Variants in ACTC1 observed in about 807,000 individuals in gnomAD.
ACTC1 encodes actin, alpha cardiac muscle 1.
A neutral mutation model predicts 31.6 loss-of-function variants in ACTC1; 10 were observed. That is an observed-to-expected ratio of 0.32 (90% CI 0.19 to 0.54). ACTC1 has a LOEUF of 0.54. ACTC1 is among the 20% of genes least tolerant of loss of function. The pLI, the probability that ACTC1 is intolerant of heterozygous loss-of-function variation, is 0.95. For missense variants in ACTC1, 129 were observed against 506.4 expected (o/e 0.25, Z 7.15); for synonymous variants, 196 against 185.0 (o/e 1.06, Z -0.48).
In ACTC1 at chr15:34,793,856, A is replaced by T. The variant is rs1400897980; in HGVS notation, c.130-287T>A. Among the ~76,000 whole-genome samples the T allele has an allele frequency of 6.6e-6, 1 of 152,214 alleles. No homozygotes were observed. Among genetic ancestry groups the T allele is most frequent in the South Asian group, 2.1e-4 (1 of 4,832 alleles). ...CCTCACCTCACCTTAAAAATATCAT[A>T]TGCCTTCATTAAGTTATTAAGCTCA... is the stretch of plus-strand genomic sequence containing the variant. On this transcript the variant is annotated intron_variant, in intron 2 of 6. Transcript: ENST00000290378. The surrounding 1 kb of genome is among the most constrained non-coding windows in gnomAD (Gnocchi z 4.8).
chr15:34,791,626 T>A, intron 5 of ACTC1: 1 of 364,840 alleles, frequency 2.7e-6, no homozygotes, highest in African/African-American at 2.0e-5. Context: ...ATGTAATTTT[T>A]GTTTATGGAC....
rs773112383 is a variant in ACTC1, at chr15:34,793,393, C to T, written c.306G>A (p.Glu102=). 2 of 1,614,140 alleles carry T rather than the reference C, an allele frequency of 1.2e-6. No homozygotes were observed. The highest frequency in any genetic ancestry group is 3.3e-5 in the Admixed American group (2 of 60,020). Residue 102 remains glutamate (E), a synonymous_variant, in exon 3 of 7, where the codon GAG becomes GAA. Coordinates refer to ENST00000290378, the MANE Select transcript of ACTC1 (RefSeq NM_005159.5). The surrounding 1 kb of genome is among the most constrained non-coding windows in gnomAD (Gnocchi z 4.8). ...GGGCCTCTGTGAGCAGGGTGGGGTG[C>T]TCCTCGGGAGCCACACGGAGCTCAT... ...FYNELRVAPE[E]HPTLLTEAPL... is the part of the protein sequence containing the mutation.
rs59431308 is a variant in ACTC1 at position 34,791,307 on chromosome 15, T to TCACACACACACA, written c.809-24_809-13dup. 116 of 1,309,210 alleles carry TCACACACACACA rather than the reference T, an allele frequency of 8.9e-5. No individual in the cohort carries two copies. Among genetic ancestry groups the TCACACACACACA allele is most frequent in the African/African-American group, 7.8e-4 (50 of 64,022 alleles). The allele number at this position is 1,309,210 out of a possible 1,614,324, so 81.1% of individuals were successfully genotyped here. ...AGCAGATTCCATACCTGGGAACGAG[T>TCACACACACACA]CACACACACACACACACACACACAC... On this transcript the variant is annotated splice_polypyrimidine_tract_variant and intron_variant, in intron 5 of 6. Transcript: ENST00000290378.
At chr15:34,794,087 G>A (rs906419579) in intron 2 of ACTC1, among the ~76,000 whole-genome samples, 2 of 152,196 alleles carry the variant, frequency 1.3e-5, no homozygotes, top group African/African-American at 2.4e-5. Context: ...AAGCTCTCCT[G>A]CTTGGCAGCC....
rs1471985492 is a variant in ACTC1 at position 34,792,625 on chromosome 15, C to G, written c.455-56G>C. On this transcript the variant is annotated intron_variant, in intron 3 of 6. Transcript: ENST00000290378. This position sits in a 1 kb window ranked among gnomAD's most constrained non-coding sequence, Gnocchi z 5.3. ...AATTCCTGAGGACAACACCACTGCT[C>G]TAGCCACGGCAAAGCCCGCTTCCAA... 2 of 1,598,026 alleles carry G rather than the reference C, an allele frequency of 1.3e-6. No homozygotes were observed. Among genetic ancestry groups the G allele is most frequent in the African/African-American group, 2.7e-5 (2 of 74,532 alleles).
chr15:34,790,552 T>C lies in ACTC1; in HGVS notation c.994A>G (p.Ile332Val), dbSNP rs749354463. The change falls in exon 7 of 7, where the codon ATT becomes GTT. Residue 332 changes from isoleucine to valine, a missense_variant. By Grantham distance (29) the Ile-to-Val change is conservative. This residue lies in a region of ACTC1 where 44 missense variants were observed against 127.4 expected (regional missense o/e 0.35). Coordinates refer to ENST00000290378, the MANE Select transcript of ACTC1 (RefSeq NM_005159.5). ...LAPSTMKIKIIAPPERKYSVW... is the reference protein window; with the variant it reads ...LAPSTMKIKIVAPPERKYSVW... ...GAGTATTTACGCTCAGGGGGAGCAA[T>C]AATCTGCAGAAAGAAAACAAAAACT... 2.5e-6 allele frequency: 4 copies of C among 1,614,008 alleles called. No individual in the cohort carries two copies. Among genetic ancestry groups the C allele is most frequent in the Admixed American group, 1.7e-5 (1 of 60,012 alleles).
In ACTC1 at chr15:34,794,665, C is replaced by G; in HGVS notation, c.129+15G>C. On this transcript the variant is annotated intron_variant, in intron 2 of 6. Coordinates refer to ENST00000290378, the MANE Select transcript of ACTC1 (RefSeq NM_005159.5). ...GGGGTCCCGAGTGGGACGGGGGGCT[C>G]GGCGGGAAGTTTACCTGGTGCCGCG... The G allele has an allele frequency of 1.2e-6, 2 of 1,609,500 alleles. No individual in the cohort carries two copies. The highest frequency in any genetic ancestry group is 2.2e-5 in the East Asian group (1 of 44,796).
rs1595760269 is a variant in ACTC1, at chr15:34,791,225, C to T, written c.879G>A (p.Lys293=). The T allele has an allele frequency of 6.2e-7, 1 of 1,613,716 alleles. No individual in the cohort carries two copies. Among genetic ancestry groups the T allele is most frequent in the Admixed American group, 1.7e-5 (1 of 59,972 alleles). Residue 293 remains lysine, a synonymous_variant, in exon 6 of 7, where the codon AAG becomes AAA. Transcript: ENST00000290378. The part of the protein sequence containing the change: ...SIMKCDIDIR[K]DLYANNVLSG... ...ATAAGACATTGTTGGCATACAGGTC[C>T]TTGCGGATATCAATGTCACACTTCA... is the stretch of plus-strand genomic sequence containing the variant.
In ACTC1 at chr15:34,794,725, C is replaced by G; in HGVS notation, c.84G>C (p.Ala28=). The change falls in exon 2 of 7, where the codon GCG becomes GCC. Residue 28 remains alanine (A), a synonymous_variant. Coordinates refer to ENST00000290378, the MANE Select transcript of ACTC1 (RefSeq NM_005159.5). ...LVKAGFAGDD[A]PRAVFPSIVG... The stretch of plus-strand genomic sequence containing the variant: ...CGATGGACGGGAAGACAGCGCGGGG[C>G]GCGTCATCGCCCGCAAAGCCGGCCT... 6.2e-7 allele frequency: 1 copy of G among 1,613,278 alleles called. No individual in the cohort carries two copies. The highest frequency in any genetic ancestry group is 8.5e-7 in the Non-Finnish European group (1 of 1,179,796).
chr15:34,794,931 ACT>A, intron 1 of ACTC1, 101 bp from the exon 2 acceptor site: 1 of 924,276 alleles, frequency 1.1e-6, no homozygotes. Context: ...GGTTGTGGGG[ACT>A]GGACAGGGGG....
chr15:34,794,880 T>TAAGC, intron 1 of ACTC1, 50 bp from the exon 2 acceptor site: 1 of 1,364,930 alleles, frequency 7.3e-7, no homozygotes, highest in Non-Finnish European at 9.7e-7. Flanking sequence ...CCTGTGCAGC[T>TAAGC]GGCCTTCTCC....
Position 34,791,250 on chromosome 15 carries a change from A to G in ACTC1, c.854T>C (p.Met285Thr), listed in dbSNP as rs869025354. Reference sequence around the variant, plus strand: ...CTTGCGGATATCAATGTCACACTTCATGATGCTATTGTAAGTTGTTTCATG... The same window carrying G: ...CTTGCGGATATCAATGTCACACTTCGTGATGCTATTGTAAGTTGTTTCATG... Reference protein sequence around the residue: ...GIHETTYNSIMKCDIDIRKDL... With the variant: ...GIHETTYNSITKCDIDIRKDL... The change falls in exon 6 of 7, where the codon ATG (methionine) becomes ACG (threonine). Residue 285 changes from methionine (M) to threonine (T), a missense_variant. Met to Thr is a moderately conservative substitution (Grantham distance 81). Around this residue, in one of 5 missense-constraint regions of ACTC1, gnomAD observed 44 missense variants for 127.4 expected, o/e 0.35. Coordinates refer to ENST00000290378, the MANE Select transcript of ACTC1 (RefSeq NM_005159.5). The G allele has an allele frequency of 6.2e-7, 1 of 1,612,378 alleles. No homozygotes were observed. Among genetic ancestry groups the G allele is most frequent in the Non-Finnish European group, 8.5e-7 (1 of 1,179,248 alleles).
chr15:34,792,004 G>C lies in ACTC1; in HGVS notation c.808+86C>G. On this transcript the variant is annotated intron_variant, in intron 5 of 6. Coordinates refer to ENST00000290378, the MANE Select transcript of ACTC1 (RefSeq NM_005159.5). This position sits in a 1 kb window ranked among gnomAD's most constrained non-coding sequence, Gnocchi z 5.3. ...AACTATGACTTCTTTTAACTCAAGG[G>C]CTTCTTGAGCCTTCTAGATTTTACT... The C allele has an allele frequency of 6.9e-7, 1 of 1,444,746 alleles. No individual in the cohort carries two copies. Among genetic ancestry groups the C allele is most frequent in the Non-Finnish European group, 9.7e-7 (1 of 1,034,982 alleles). The allele number at this position is 1,444,746 out of a possible 1,614,324, so 89.5% of individuals were successfully genotyped here. A position where few individuals can be genotyped will look rare whatever the true frequency, so the allele number is the denominator to read the frequency against.
chr15:34,795,335 C>A (rs1304097926), intron 1 of ACTC1, among the ~76,000 whole-genome samples, 171 bp downstream of exon 1: 1 of 143,508 alleles, frequency 7.0e-6, no homozygotes, highest in Admixed American at 6.8e-5. Context: ...AGAACCAAAT[C>A]AAAAAGTGTG....
At position 34,794,662 on chromosome 15, in the gene ACTC1, G is replaced by T. The variant is rs368977747; in HGVS notation, c.129+18C>A. 21 of 1,608,352 alleles carry T rather than the reference G, an allele frequency of 1.3e-5. No homozygotes were observed. The African/African-American group carries it at 2.7e-4, about 20-fold the overall frequency. On this transcript the variant is annotated intron_variant, in intron 2 of 6. Transcript: ENST00000290378. Reference sequence around the variant, plus strand: ...GAAGGGGTCCCGAGTGGGACGGGGGGCTCGGCGGGAAGTTTACCTGGTGCC... The same window carrying T: ...GAAGGGGTCCCGAGTGGGACGGGGGTCTCGGCGGGAAGTTTACCTGGTGCC...
chr15:34,791,413 C>T, intron 5 of ACTC1, 118 bp from the exon 6 acceptor site: 2 of 1,369,714 alleles, frequency 1.5e-6, no homozygotes, highest in Non-Finnish European at 1.0e-6. Context: ...TGTGGGGGAG[C>T]TGTCACCATT....
chr15:34,793,663 A>T lies in ACTC1; in HGVS notation c.130-94T>A. The stretch of plus-strand genomic sequence containing the variant: ...TTATATCTAACTGCCCAAGTCAAGG[A>T]ACATATTTAAATACCAGAAATAACA... On this transcript the variant is annotated intron_variant, in intron 2 of 6. Transcript: ENST00000290378. This position sits in a 1 kb window ranked among gnomAD's most constrained non-coding sequence, Gnocchi z 4.8. 5 of 1,139,282 alleles carry T rather than the reference A, an allele frequency of 4.4e-6. No individual in the cohort carries two copies. In the South Asian group the frequency reaches 6.6e-5, roughly 15 times the overall value. 70.6% of individuals were successfully genotyped at this position (1,139,282 alleles called of 1,614,324 possible). A position where few individuals can be genotyped will look rare whatever the true frequency, so the allele number is the denominator to read the frequency against.
Position 34,792,027 on chromosome 15 carries a change from A to G in ACTC1, c.808+63T>C. ...GGGCTTCTTGAGCCTTCTAGATTTT[A>G]CTCTGGGAGACCCTAAGATTTCCAG... On this transcript the variant is annotated intron_variant, in intron 5 of 6. Coordinates refer to ENST00000290378, the MANE Select transcript of ACTC1 (RefSeq NM_005159.5). The surrounding 1 kb of genome is among the most constrained non-coding windows in gnomAD (Gnocchi z 5.3). 6 of 1,582,212 alleles carry G rather than the reference A, an allele frequency of 3.8e-6. No homozygotes were observed. The highest frequency in any genetic ancestry group is 5.2e-6 in the Non-Finnish European group (6 of 1,153,358).
chr15:34,793,669 T>C lies in ACTC1; in HGVS notation c.130-100A>G. On this transcript the variant is annotated intron_variant, in intron 2 of 6. Transcript: ENST00000290378. The surrounding 1 kb of genome is among the most constrained non-coding windows in gnomAD (Gnocchi z 4.8). ...CTAACTGCCCAAGTCAAGGAACATA[T>C]TTAAATACCAGAAATAACAAGCAAT... 1.8e-6 allele frequency: 2 copies of C among 1,094,322 alleles called. No homozygotes were observed. Among genetic ancestry groups the C allele is most frequent in the Non-Finnish European group, 2.7e-6 (2 of 733,650 alleles). The allele number at this position is 1,094,322 out of a possible 1,614,324, so 67.8% of individuals were successfully genotyped here.
Sources: gnomAD v4.1 joint callset for allele counts (sites outside exome capture counted in the v4.1 genomes callset) on GRCh38, gnomAD v4.1.1 for gene constraint, gnomAD v4.1.1 regional missense constraint, Gnocchi (gnomAD v3.1) non-coding constraint, MANE v1.5 for transcripts, NCBI Gene and HGNC (gene_info 2026-07-23, HGNC 2026-07-21) for gene names.